PIK3C2G: variants seen among roughly 807,000 people sequenced by gnomAD.
PIK3C2G encodes the protein phosphatidylinositol 3-kinase C2 domain-containing subunit gamma.
Under a neutral mutation model 181.1 loss-of-function variants are expected in PIK3C2G, and 168 were observed. The observed-to-expected ratio is 0.93, with a 90% confidence interval of 0.82 to 1.05. PIK3C2G has a LOEUF of 1.05. Among genes scored for constraint, PIK3C2G ranks in the 50% least tolerant of loss-of-function variants. The pLI is 0.00. For missense variants in PIK3C2G, 1,869 were observed against 1,732.8 expected (o/e 1.08, Z -1.40); for synonymous variants, 573 against 592.2 (o/e 0.97, Z 0.47).
intron 14 of PIK3C2G, among the ~76,000 whole-genome samples, chr12:18,390,779 C>T (rs967164449): frequency 1.3e-5 from 2 of 151,760 alleles, no homozygotes; most frequent in Non-Finnish European, 2.9e-5. Flanking sequence ...ATTTTAACAC[C>T]GAAATGTAAA....
chr12:18,613,048 A>G (rs1948422463), intron 31 of PIK3C2G, among the ~76,000 whole-genome samples: 1 of 152,178 alleles, frequency 6.6e-6, no homozygotes, highest in Non-Finnish European at 1.5e-5. Flanking sequence ...AAAGAAACAT[A>G]TAAAGAACAG....
intron 26 of PIK3C2G, among the ~76,000 whole-genome samples, chr12:18,549,585 A>C (rs1362780573): frequency 1.3e-5 from 2 of 152,060 alleles, no homozygotes; most frequent in African/African-American, 4.8e-5. Flanking sequence ...CACCTCTTCC[A>C]TATGTGGGCT....
intron 16 of PIK3C2G, among the ~76,000 whole-genome samples, chr12:18,411,354 G>A (rs1259151397): frequency 6.6e-6 from 1 of 152,050 alleles, no homozygotes; most frequent in Non-Finnish European, 1.5e-5. Flanking sequence ...CTTATACTCC[G>A]AGTTTGAGTT....
intron 26 of PIK3C2G, among the ~76,000 whole-genome samples, chr12:18,557,047 T>G (rs1945049206): frequency 6.6e-6 from 1 of 152,098 alleles, no homozygotes; most frequent in Admixed American, 6.6e-5. Flanking sequence ...CATGATCACT[T>G]TGATAGATGC....
intron 10 of PIK3C2G, 132 bp downstream of exon 10, chr12:18,343,492 C>T (rs866964040): frequency 4.6e-6 from 2 of 435,432 alleles, no homozygotes; most frequent in Admixed American, 4.5e-5. Flanking sequence ...CACACACACA[C>T]GAGCTTTTTG....
chr12:18,641,021 G>A (rs1049371630), intron 32 of PIK3C2G, among the ~76,000 whole-genome samples: 7 of 152,060 alleles, frequency 4.6e-5, no homozygotes, highest in African/African-American at 1.7e-4. Flanking sequence ...TTTGTAATGT[G>A]CAATTCCCTA....
the PIK3C2G span, chr12:18,696,320 CACTATATA>C: frequency 3.2e-6 from 1 of 314,768 alleles, no homozygotes; most frequent in South Asian, 2.2e-5. Context: ...TTTAAAAAGC[CACTATATA>C]TATATATATA....
At chr12:18,307,680 T>C (rs562085607) in intron 5 of PIK3C2G, among the ~76,000 whole-genome samples, 1 of 152,040 alleles carries the variant, frequency 6.6e-6, no homozygotes, top group South Asian at 2.1e-4. Flanking sequence ...CTTTTTGATA[T>C]CTAGAACTCT....
At chr12:18,670,449 T>G in the PIK3C2G span, among the ~76,000 whole-genome samples, 1 of 151,820 alleles carries the variant, frequency 6.6e-6, no homozygotes. Flanking sequence ...ACCATGAGAG[T>G]TGAAGGGCCT....
At chr12:18,273,708 G>A (rs867193443) in intron 1 of PIK3C2G, among the ~76,000 whole-genome samples, 5 of 151,964 alleles carry the variant, frequency 3.3e-5, no homozygotes, top group East Asian at 3.9e-4. Flanking sequence ...ACCCTAGAAG[G>A]AAACCTAGGC....
chr12:18,613,237 G>A (rs767813869), intron 31 of PIK3C2G, among the ~76,000 whole-genome samples: 8 of 151,796 alleles, frequency 5.3e-5, no homozygotes, highest in African/African-American at 7.3e-5. Context: ...CAGAATGTTC[G>A]CATTCCAGAA....
intron 29 of PIK3C2G, among the ~76,000 whole-genome samples, chr12:18,571,638 C>A (rs1945947993): frequency 6.6e-6 from 1 of 150,700 alleles, no homozygotes; most frequent in South Asian, 2.1e-4. Context: ...TCTGAAAAAT[C>A]TTTCTTCTGT....
intron 4 of PIK3C2G, among the ~76,000 whole-genome samples, chr12:18,292,227 A>AAATAAAT: frequency 2.1e-5 from 1 of 48,750 alleles, no homozygotes; most frequent in African/African-American, 1.1e-4. Flanking sequence ...AAAAAAAAAA[A>AAATAAAT]ATATATATAT....
At chr12:18,258,614 CT>C (rs758278276), upstream of PIK3C2G, among the ~76,000 whole-genome samples, 825 of 137,824 alleles carry the variant, frequency 6.0e-3, no homozygotes, top group Admixed American at 7.0e-3. Flanking sequence ...TCAGGATTTC[CT>C]TTTTTTTTTT....
the PIK3C2G span, among the ~76,000 whole-genome samples, chr12:18,687,187 G>T: frequency 6.6e-6 from 1 of 152,078 alleles, no homozygotes; most frequent in South Asian, 2.1e-4. Context: ...CTTTTTCCAT[G>T]ACTTTCGCTC....
At chr12:18,429,670 C>T (rs959204685) in intron 18 of PIK3C2G, among the ~76,000 whole-genome samples, 6 of 152,116 alleles carry the variant, frequency 3.9e-5, no homozygotes, top group Non-Finnish European at 7.4e-5. Flanking sequence ...AGCACAGTAT[C>T]TGAAACTCAG....
intron 29 of PIK3C2G, among the ~76,000 whole-genome samples, chr12:18,586,927 C>A (rs1196883868): frequency 6.6e-6 from 1 of 152,084 alleles, no homozygotes; most frequent in African/African-American, 2.4e-5. Context: ...AAATGTAATT[C>A]ATCACACAAA....
Position 18,360,780 on chromosome 12 carries a change from T to C in PIK3C2G, c.1626-1984T>C, listed in dbSNP as rs139180409. 2.2e-4 allele frequency among the ~76,000 whole-genome samples: 34 copies of C among 152,280 alleles called. No homozygotes were observed. The East Asian group carries it at 6.6e-3, about 29-fold the overall frequency. On this transcript the variant is annotated intron_variant, in intron 11 of 32. Coordinates refer to ENST00000538779, the MANE Select transcript of PIK3C2G (RefSeq NM_001288772.2). ...TACATGATTAGTCATTTTCTCTAGC[T>C]GCTTGTGAAATGGTCTTTTCATCTT...
chr12:18,387,470 T>C (rs184193972), intron 14 of PIK3C2G, among the ~76,000 whole-genome samples: 2 of 152,288 alleles, frequency 1.3e-5, no homozygotes, highest in East Asian at 3.9e-4. Flanking sequence ...ATGCACTGTC[T>C]TGCTTTCACC....
Sources: allele counts gnomAD v4.1 joint callset (sites outside exome capture counted in the v4.1 genomes callset), GRCh38; gene constraint gnomAD v4.1.1; transcripts MANE v1.5; gene names NCBI Gene and HGNC (gene_info 2026-07-23, HGNC 2026-07-21).